The following ABCA13 variants were observed in gnomAD, a reference collection of about 807,000 sequenced individuals.
ABCA13 encodes the protein ATP binding cassette subfamily A member 13.
ABCA13 carries 476 observed loss-of-function variants against 478.7 expected under a neutral mutation model. That is an observed-to-expected ratio of 0.99 (90% CI 0.92 to 1.07). The LOEUF (loss-of-function observed/expected upper bound fraction) is 1.07, where lower values mean the gene tolerates loss of function less well. Among genes scored for constraint, ABCA13 ranks in the 50% least tolerant of loss-of-function variants. The pLI, the probability that ABCA13 is intolerant of heterozygous loss-of-function variation, is 0.00. For missense variants in ABCA13, 6,060 were observed against 5,910.6 expected, an observed-to-expected ratio of 1.03 and a Z score of -0.83; for synonymous variants, 2,252 against 2,158.9, an observed-to-expected ratio of 1.04 and a Z score of -1.20.
At chr7:48,640,740 A>G (rs1486807412) in intron 59 of ABCA13, among the ~76,000 whole-genome samples, 1 of 152,206 alleles carries the variant, frequency 6.6e-6, no homozygotes, top group African/African-American at 2.4e-5. Flanking sequence ...GATAGAAATG[A>G]AAAAGTCAAG....
chr7:48,328,422 G>A (rs1467932604), intron 27 of ABCA13, among the ~76,000 whole-genome samples: 1 of 152,190 alleles, frequency 6.6e-6, no homozygotes, highest in African/African-American at 2.4e-5. Flanking sequence ...TCAAAACTCA[G>A]CAAAGTTGCC....
At position 48,372,424 on chromosome 7, in the gene ABCA13, T is replaced by C. The variant is rs1313829740; in HGVS notation, c.11060T>C (p.Met3687Thr). The C allele has an allele frequency of 1.2e-6, 2 of 1,613,658 alleles. No homozygotes were observed. Among genetic ancestry groups the C allele is most frequent in the Non-Finnish European group, 1.7e-6 (2 of 1,179,874 alleles). ...GCCCTTTGTACCAGCCTGGTGTACA[T>C]GATCAGCTTTCTGCCCTACATAGTT... is the stretch of plus-strand genomic sequence containing the variant. The part of the protein sequence containing the change: ...TAALCTSLVY[M>T]ISFLPYIVLL... Residue 3687 changes from methionine to threonine, a missense_variant, in exon 33 of 62, where the codon ATG becomes ACG. Met to Thr is a moderately conservative substitution (Grantham distance 81). Transcript: ENST00000435803.
chr7:48,392,047 G>A lies in ABCA13; in HGVS notation c.11781G>A (p.Leu3927=), dbSNP rs1585127790. 11 of 1,613,944 alleles carry A rather than the reference G, an allele frequency of 6.8e-6. No individual in the cohort carries two copies. The East Asian group carries it at 2.5e-4, about 36-fold the overall frequency. ...LGVCPQQDIL[L]DNLTVREHLL... ...TGTGTCCGCAGCAGGACATCCTGTT[G>A]GACAACCTCACCGTCCGGGAACATT... Residue 3927 remains leucine (L), a synonymous_variant, in exon 38 of 62, where the codon TTG becomes TTA. Coordinates refer to ENST00000435803, the MANE Select transcript of ABCA13 (RefSeq NM_152701.5).
chr7:48,272,222 C>G lies in ABCA13; in HGVS notation c.2556C>G (p.Asn852Lys), dbSNP rs1795710601. ...AAGGAAAAAGAGCTAAATTGGAAAA[C>G]TTCTTTACACTTTTAAATTTTTCTG... ...ISKGKRAKLE[N>K]FFTLLNFSVP... The change falls in exon 17 of 62, where the codon AAC (asparagine) becomes AAG (lysine). Residue 852 changes from asparagine to lysine, a missense_variant. By Grantham distance (94) the Asn-to-Lys change is moderately conservative (BLOSUM62 0). This residue lies in a region of ABCA13 where 4,423 missense variants were observed against 4,309.1 expected (regional missense o/e 1.03). Transcript: ENST00000435803. 1 of 1,611,462 alleles carries G rather than the reference C, an allele frequency of 6.2e-7. No individual in the cohort carries two copies. Among genetic ancestry groups the G allele is most frequent in the Non-Finnish European group, 8.5e-7 (1 of 1,179,112 alleles).
At chr7:48,534,046 T>C (rs1319443438) in intron 55 of ABCA13, among the ~76,000 whole-genome samples, 1 of 152,122 alleles carries the variant, frequency 6.6e-6, no homozygotes, top group Non-Finnish European at 1.5e-5. Context: ...GTCTGTTTCA[T>C]TGTGTTATTG....
rs549508879 is a variant in ABCA13, at chr7:48,366,608, G to C, written c.10689-1186G>C. On this transcript the variant is annotated intron_variant, in intron 31 of 61. Transcript: ENST00000435803. ...TGTCATGCCACTTCAACTCATGGCG[G>C]AAAGTGTAAGGGGAAGAGGGTGTGC... Among the ~76,000 whole-genome samples the C allele has an allele frequency of 2.0e-3, 304 of 152,162 alleles. 1 individual carries two copies. Among genetic ancestry groups the C allele is most frequent in the African/African-American group, 7.2e-3 (297 of 41,532 alleles).
intron 55 of ABCA13, among the ~76,000 whole-genome samples, chr7:48,560,333 C>G (rs1786323893): frequency 6.6e-6 from 1 of 152,206 alleles, no homozygotes. Context: ...CCCCCAGTCA[C>G]TGTGCTCTTC....
At position 48,483,172 on chromosome 7, in the gene ABCA13, A is replaced by ATT. The variant is rs59521533; in HGVS notation, c.13182+15_13182+16dup. 3.0e-5 allele frequency: 48 copies of ATT among 1,597,374 alleles called. No homozygotes were observed. In the African/African-American group the frequency reaches 5.3e-4, roughly 17 times the overall value. On this transcript the variant is annotated intron_variant, in intron 47 of 61. Transcript: ENST00000435803. ...CCCCAACTCTGGCAAAGGTAATCAT[A>ATT]TTTTTTTATTTTTTTCCTGTTTTAG... is the stretch of plus-strand genomic sequence containing the variant.
intron 55 of ABCA13, among the ~76,000 whole-genome samples, chr7:48,559,909 T>C (rs965578418): frequency 2.6e-5 from 4 of 152,134 alleles, no homozygotes; most frequent in African/African-American, 9.7e-5. Context: ...AAAAGTCCTG[T>C]TTATTTTTTC....
chr7:48,226,028 T>A (rs919834462), intron 5 of ABCA13, among the ~76,000 whole-genome samples: 2 of 151,974 alleles, frequency 1.3e-5, no homozygotes, highest in African/African-American at 4.8e-5. Context: ...GTTGGCAGAA[T>A]GGAATGTGGG....
At chr7:48,478,164 TATC>T (rs1292093368) in intron 45 of ABCA13, among the ~76,000 whole-genome samples, 2 of 149,250 alleles carry the variant, frequency 1.3e-5, no homozygotes, top group African/African-American at 4.9e-5. Context: ...GGTTACAGCA[TATC>T]ATATATCATG....
chr7:48,311,344 C>T (rs1266210511), intron 24 of ABCA13, among the ~76,000 whole-genome samples: 1 of 152,132 alleles, frequency 6.6e-6, no homozygotes, highest in Non-Finnish European at 1.5e-5. Context: ...GGAGAATAAA[C>T]ATTTCTTGCA....
chr7:48,270,226 TAAC>T lies in ABCA13; in HGVS notation c.2120+1134_2120+1136del, dbSNP rs1432855373. Among the ~76,000 whole-genome samples the T allele has an allele frequency of 2.0e-5, 3 of 152,262 alleles. No homozygotes were observed. The South Asian group carries it at 6.2e-4, about 32-fold the overall frequency. Reference sequence around the variant, plus strand: ...GTCGTCTCCTAGTCATGCCACATAATAACAGCTTGAACCTGTCAATTAAAAAAA... The same window carrying T: ...GTCGTCTCCTAGTCATGCCACATAATAGCTTGAACCTGTCAATTAAAAAAA... On this transcript the variant is annotated intron_variant, in intron 16 of 61. Transcript: ENST00000435803.
intron 39 of ABCA13, among the ~76,000 whole-genome samples, chr7:48,408,161 T>C (rs1200751757): frequency 6.6e-6 from 1 of 152,232 alleles, no homozygotes; most frequent in African/African-American, 2.4e-5. Context: ...TGCTGTACAA[T>C]AGATCTCTAG....
chr7:48,334,989 C>T (rs893909803), intron 27 of ABCA13, among the ~76,000 whole-genome samples: 2 of 152,180 alleles, frequency 1.3e-5, no homozygotes, highest in African/African-American at 4.8e-5. Context: ...AGTCTTATGC[C>T]AGTGTACTCT....
Position 48,374,418 on chromosome 7 carries a change from T to C in ABCA13, c.11203+2T>C, listed in dbSNP as rs889321749. On this transcript the variant is annotated splice_donor_variant, in intron 34 of 61. Coordinates refer to ENST00000435803, the MANE Select transcript of ABCA13 (RefSeq NM_152701.5). LOFTEE classifies it high-confidence loss of function. ...CATTCCTGGAAGGACAAGAGACAGG[T>C]AAGAGCATGCATGTGTAAAAAGTGA... 6.2e-7 allele frequency: 1 copy of C among 1,607,200 alleles called. No individual in the cohort carries two copies. The highest frequency in any genetic ancestry group is 1.7e-4 in the Middle Eastern group (1 of 6,058).
intron 38 of ABCA13, among the ~76,000 whole-genome samples, chr7:48,400,217 G>A (rs567542161): frequency 6.6e-6 from 1 of 152,230 alleles, no homozygotes; most frequent in African/African-American, 2.4e-5. Context: ...TTTCTTGCCT[G>A]TCTTTTCCAC....
In ABCA13 at chr7:48,440,617, G is replaced by A. The variant is rs1010461829; in HGVS notation, c.12565+12746G>A. Among the ~76,000 whole-genome samples, 16 of 151,912 alleles carry A rather than the reference G, an allele frequency of 1.1e-4. No individual in the cohort carries two copies. The East Asian group carries it at 1.2e-3, about 11-fold the overall frequency. ...TTAGTTAACTTTTATATGTAAGATC[G>A]AATTTAATGAAACTATGATTATTAG... On this transcript the variant is annotated intron_variant, in intron 42 of 61. Coordinates refer to ENST00000435803, the MANE Select transcript of ABCA13 (RefSeq NM_152701.5).
intron 5 of ABCA13, among the ~76,000 whole-genome samples, chr7:48,223,701 A>T (rs918969083): frequency 3.7e-4 from 56 of 152,120 alleles, no homozygotes; most frequent in Non-Finnish European, 4.1e-4. Context: ...TCATGCCTGT[A>T]ACCCTAGCAC....
Sources: gnomAD v4.1 joint callset for allele counts (sites outside exome capture counted in the v4.1 genomes callset) on GRCh38, gnomAD v4.1.1 for gene constraint, gnomAD v4.1.1 regional missense constraint, MANE v1.5 for transcripts, NCBI Gene and HGNC (gene_info 2026-07-23, HGNC 2026-07-21) for gene names.